The following GFOD1 variants were observed in gnomAD, a reference collection of about 807,000 sequenced individuals.
GFOD1 encodes Gfo/Idh/MocA-like oxidoreductase domain containing 1.
Under a neutral mutation model 25.4 loss-of-function variants are expected in GFOD1, and 9 were observed. The observed-to-expected ratio is 0.35, with a 90% confidence interval of 0.21 to 0.62. The LOEUF is 0.62. GFOD1 is among the 20% of genes least tolerant of loss of function. The pLI, the probability that GFOD1 is intolerant of heterozygous loss-of-function variation, is 0.72. For missense variants in GFOD1, 403 were observed against 556.9 expected, an observed-to-expected ratio of 0.72 and a Z score of 2.78; for synonymous variants, 253 against 245.6, an observed-to-expected ratio of 1.03 and a Z score of -0.28.
chr6:13,473,476 T>C (rs768300815), intron 1 of GFOD1, among the ~76,000 whole-genome samples: 2 of 152,218 alleles, frequency 1.3e-5, no homozygotes, highest in African/African-American at 2.4e-5. Flanking sequence ...CAGCAAGCTG[T>C]TTGCCTTGAC....
At chr6:13,451,990 T>C (rs1371565689) in intron 1 of GFOD1, among the ~76,000 whole-genome samples, 1 of 151,982 alleles carries the variant, frequency 6.6e-6, no homozygotes, top group Non-Finnish European at 1.5e-5. Context: ...AGATAAAAAG[T>C]TAGGTTTGGC....
intron 1 of GFOD1, among the ~76,000 whole-genome samples, chr6:13,475,766 A>C: frequency 8.4e-6 from 1 of 119,554 alleles, no homozygotes; most frequent in Non-Finnish European, 1.9e-5. Context: ...AATAATAATA[A>C]TACAAAAATT....
chr6:13,383,423 T>C (rs60477577), intron 1 of GFOD1, among the ~76,000 whole-genome samples: 6,051 of 152,316 alleles, frequency 0.04, 232 homozygotes, highest in African/African-American at 0.093. Flanking sequence ...AGTTCCCAGT[T>C]TCAACACTGA....
At chr6:13,384,138 A>T (rs546248857) in intron 1 of GFOD1, among the ~76,000 whole-genome samples, 9 of 152,294 alleles carry the variant, frequency 5.9e-5, no homozygotes, top group Admixed American at 4.6e-4. Flanking sequence ...GAGGCAGGAG[A>T]ATCACTTGAA....
chr6:13,412,712 C>T (rs1478233166), intron 1 of GFOD1, among the ~76,000 whole-genome samples: 1 of 152,256 alleles, frequency 6.6e-6, no homozygotes, highest in Non-Finnish European at 1.5e-5. Flanking sequence ...GGCCTGCCTT[C>T]TGCTCCCTCC....
intron 1 of GFOD1, among the ~76,000 whole-genome samples, chr6:13,431,388 C>G (rs1757746770): frequency 6.6e-6 from 1 of 152,232 alleles, no homozygotes; most frequent in Non-Finnish European, 1.5e-5. Context: ...TCTTTCTACT[C>G]TACCACTCAT....
chr6:13,479,972 G>C (rs1473470049), intron 1 of GFOD1, among the ~76,000 whole-genome samples: 1 of 152,180 alleles, frequency 6.6e-6, no homozygotes, highest in African/African-American at 2.4e-5. Context: ...AAGTCCAAGT[G>C]CATCATGAGC....
At chr6:13,479,041 G>T (rs1758690782) in intron 1 of GFOD1, among the ~76,000 whole-genome samples, 1 of 149,120 alleles carries the variant, frequency 6.7e-6, no homozygotes, top group Admixed American at 6.7e-5. Context: ...CTGAAGCTTG[G>T]CTTAGGTACC....
intron 1 of GFOD1, among the ~76,000 whole-genome samples, chr6:13,402,411 A>G (rs757471297): frequency 2.0e-5 from 3 of 152,252 alleles, no homozygotes; most frequent in Non-Finnish European, 4.4e-5. Flanking sequence ...TGAATGGTAG[A>G]ATATATTTGC....
At chr6:13,428,225 G>A (rs1757677936) in intron 1 of GFOD1, among the ~76,000 whole-genome samples, 1 of 152,184 alleles carries the variant, frequency 6.6e-6, no homozygotes, top group African/African-American at 2.4e-5. Flanking sequence ...CGGTCTCTCT[G>A]CGGTGTCTTT....
intron 1 of GFOD1, among the ~76,000 whole-genome samples, chr6:13,478,302 G>T (rs527580706): frequency 5.0e-4 from 76 of 152,024 alleles, no homozygotes; most frequent in Non-Finnish European, 8.8e-4. Context: ...ACCACTCCCA[G>T]CTAATTTTTA....
rs911032217 is a variant in GFOD1, at chr6:13,361,982, C to T, written c.*2761G>A. The stretch of plus-strand genomic sequence containing the variant: ...CGAGTATTATGGTTTAGTACAGAAA[C>T]ATACAATTGAAACCCCAGGAATATC... On this transcript the variant is annotated 3_prime_UTR_variant, in exon 2 of 2. Coordinates refer to ENST00000379287, the MANE Select transcript of GFOD1 (RefSeq NM_018988.4). The T allele has an allele frequency of 6.6e-6, 1 of 152,122 alleles. No homozygotes were observed. The highest frequency in any genetic ancestry group is 1.5e-5 in the Non-Finnish European group (1 of 68,014). 9.4% of individuals were successfully genotyped at this position (152,122 alleles called of 1,614,324 possible).
At position 13,362,565 on chromosome 6, in the gene GFOD1, G is replaced by A. The variant is rs938576618; in HGVS notation, c.*2178C>T. The A allele has an allele frequency of 6.6e-6, 1 of 152,110 alleles. No individual in the cohort carries two copies. Among genetic ancestry groups the A allele is most frequent in the African/African-American group, 2.4e-5 (1 of 41,404 alleles). 9.4% of individuals were successfully genotyped at this position (152,110 alleles called of 1,614,324 possible). A position where few individuals can be genotyped will look rare whatever the true frequency, so the allele number is the denominator to read the frequency against. On this transcript the variant is annotated 3_prime_UTR_variant, in exon 2 of 2. Transcript: ENST00000379287. ...GAGACTTCCATTCCAGCAAATCTCT[G>A]GTTTGGAACTGATAGCTGCAAGAGC...
At chr6:13,409,217 G>GAAAGAA (rs768826425) in intron 1 of GFOD1, among the ~76,000 whole-genome samples, 1 of 107,028 alleles carries the variant, frequency 9.3e-6, no homozygotes, top group East Asian at 3.7e-4. Context: ...GAAGGAAAGA[G>GAAAGAA]AGAGAGAGGA....
chr6:13,442,577 G>T (rs765530882), intron 1 of GFOD1, among the ~76,000 whole-genome samples: 1 of 152,206 alleles, frequency 6.6e-6, no homozygotes, highest in Non-Finnish European at 1.5e-5. Context: ...TGACTTTCTT[G>T]TTAGGGGCCA....
intron 1 of GFOD1, among the ~76,000 whole-genome samples, chr6:13,374,631 G>A (rs558192940): frequency 2.7e-5 from 4 of 149,754 alleles, no homozygotes; most frequent in African/African-American, 7.4e-5. Flanking sequence ...TAATTGACAC[G>A]TAATAATTAT....
intron 1 of GFOD1, among the ~76,000 whole-genome samples, chr6:13,443,009 T>A (rs1227881974): frequency 1.3e-5 from 2 of 152,356 alleles, no homozygotes; most frequent in African/African-American, 4.8e-5. Flanking sequence ...TTCCCTATTC[T>A]AGAAGCCATT....
chr6:13,457,268 T>C lies in GFOD1; in HGVS notation c.253+29370A>G, dbSNP rs1266450420. Among the ~76,000 whole-genome samples the C allele has an allele frequency of 5.3e-5, 8 of 152,158 alleles. No homozygotes were observed. In the East Asian group the frequency reaches 1.5e-3, roughly 29 times the overall value. ...TTCTGAAATTTTCCAGAGTCTAAAATGGAGGGATGGTGTCTAGAAAGTTCT... is the reference window on the plus strand; with the variant it reads ...TTCTGAAATTTTCCAGAGTCTAAAACGGAGGGATGGTGTCTAGAAAGTTCT... On this transcript the variant is annotated intron_variant, in intron 1 of 1. Coordinates refer to ENST00000379287, the MANE Select transcript of GFOD1 (RefSeq NM_018988.4).
In GFOD1 at chr6:13,453,942, C is replaced by T. The variant is rs143206278; in HGVS notation, c.253+32696G>A. Among the ~76,000 whole-genome samples, 509 of 152,312 alleles carry T rather than the reference C, an allele frequency of 3.3e-3. 8 individuals are homozygous for T. Among genetic ancestry groups the T allele is most frequent in the African/African-American group, 0.012 (479 of 41,576 alleles). On this transcript the variant is annotated intron_variant, in intron 1 of 1. Coordinates refer to ENST00000379287, the MANE Select transcript of GFOD1 (RefSeq NM_018988.4). The stretch of plus-strand genomic sequence containing the variant: ...GTGTCTCCCCAAAAGATGTCACAGT[C>T]CTCACTTCCAGTACCTGTGAATGTG...
Sources: allele counts gnomAD v4.1 joint callset (sites outside exome capture counted in the v4.1 genomes callset), GRCh38; gene constraint gnomAD v4.1.1; transcripts MANE v1.5; gene names NCBI Gene and HGNC (gene_info 2026-07-23, HGNC 2026-07-21).